MTERF4: variants seen among roughly 807,000 people sequenced by gnomAD.
The protein encoded by MTERF4 is mitochondrial transcription termination factor 4.
Under a neutral mutation model 22.5 loss-of-function variants are expected in MTERF4, and 17 were observed. The ratio of observed to expected loss-of-function variants is 0.75; its 90% CI spans 0.52 to 1.13. MTERF4 has a LOEUF of 1.13. Ranked by LOEUF, MTERF4 falls within the 50% of genes most tolerant of loss-of-function variation. The pLI is 0.00. For synonymous variants in MTERF4, 165 were observed against 175.3 expected (o/e 0.94, Z 0.47); for missense variants, 420 against 466.8 (o/e 0.90, Z 0.92).
the MTERF4 span, among the ~76,000 whole-genome samples, chr2:241,047,664 G>A: frequency 6.6e-6 from 1 of 152,260 alleles, no homozygotes; most frequent in Non-Finnish European, 1.5e-5. Context: ...TTCACTGATA[G>A]GGATGCCTGA....
At chr2:241,071,552 C>T, downstream of MTERF4, 1 of 1,570,532 alleles carries the variant, frequency 6.4e-7, no homozygotes, top group Non-Finnish European at 8.6e-7. Context: ...CCAGACCAGC[C>T]CCTTCCTCCT....
chr2:241,053,402 G>A, the MTERF4 span: 206 of 1,438,330 alleles, frequency 1.4e-4, 1 homozygote, highest in Admixed American at 2.0e-4. Context: ...AGGAGCACAG[G>A]GGCTGCAGGC....
In MTERF4 at chr2:241,102,248, C is replaced by G. The variant is rs1034142500; in HGVS notation, c.21+5G>C. 3.9e-6 allele frequency: 6 copies of G among 1,549,484 alleles called. No individual in the cohort carries two copies. The highest frequency in any genetic ancestry group is 5.2e-6 in the Non-Finnish European group (6 of 1,146,208). ...GAGAAGCCCGCGCGCCCAGCTCGAG[C>G]TTACCTGACGGCCGAACGCAGCCAT... On this transcript the variant is annotated splice_donor_5th_base_variant and intron_variant, in intron 1 of 3. Transcript: ENST00000391980.
Position 241,076,972 on chromosome 2 carries a change from C to A in MTERF4, n.480-1290G>T, listed in dbSNP as rs528090418. Among the ~76,000 whole-genome samples, 91 of 151,686 alleles carry A rather than the reference C, an allele frequency of 6.0e-4. 1 individual carries two copies. Among genetic ancestry groups the A allele is most frequent in the Admixed American group, 1.9e-3 (29 of 15,194 alleles). ...CGGGCGCCTGTGGTCCCAGCTACTC[C>A]GGAGGCTGAGGCAGGAGAATGGCGT... is the stretch of plus-strand genomic sequence containing the variant. On this transcript the variant is annotated intron_variant and non_coding_transcript_variant, in intron 4 of 4. Coordinates refer to the MTERF4 transcript ENST00000464344.
Position 241,099,504 on chromosome 2 carries a change from G to C in MTERF4, c.412C>G (p.Pro138Ala). 6.2e-7 allele frequency: 1 copy of C among 1,614,190 alleles called. No individual in the cohort carries two copies. Among genetic ancestry groups the C allele is most frequent in the Non-Finnish European group, 8.5e-7 (1 of 1,180,038 alleles). The change falls in exon 2 of 4, where the codon CCA becomes GCA. Residue 138 changes from proline (P) to alanine (A), a missense_variant. Physicochemically the swap from Pro to Ala is conservative, Grantham distance 27. Transcript: ENST00000391980. ...ISEFILLGLN[P>A]EPVCVVLKKS... The stretch of plus-strand genomic sequence containing the variant: ...TTCAAGACCACACACACAGGCTCTG[G>C]ATTCAGACCCAAGAGAATAAATTCT...
At chr2:241,069,888 C>T, downstream of MTERF4, 1 of 1,601,280 alleles carries the variant, frequency 6.2e-7, no homozygotes, top group East Asian at 2.2e-5. The surrounding 1 kb of genome is among the most constrained non-coding windows in gnomAD (Gnocchi z 4.9). Context: ...TGTGGGCACC[C>T]CCTCACCTCT....
chr2:241,052,682 AGGG>A, the MTERF4 span, among the ~76,000 whole-genome samples: 2 of 5,794 alleles, frequency 3.5e-4, no homozygotes, highest in African/African-American at 1.0e-3. Context: ...GGCAGGTGAG[AGGG>A]TCGGCGGGGG....
At chr2:241,069,677 G>A (rs944486961), downstream of MTERF4, among the ~76,000 whole-genome samples, 11 of 152,168 alleles carry the variant, frequency 7.2e-5, no homozygotes, top group Non-Finnish European at 1.5e-4. This position sits in a 1 kb window ranked among gnomAD's most constrained non-coding sequence, Gnocchi z 4.9. Context: ...AGGGCCTGGG[G>A]GCTTCACAGG....
Position 241,073,479 on chromosome 2 carries a change from C to CCCTCAGGTAGGCT in MTERF4, n.2682_2683insAGCCTACCTGAGG. The CCCTCAGGTAGGCT allele has an allele frequency of 4.6e-6, 4 of 866,822 alleles. No individual in the cohort carries two copies. The highest frequency in any genetic ancestry group is 7.6e-6 in the Non-Finnish European group (4 of 527,178). The allele number at this position is 866,822 out of a possible 1,614,324, so 53.7% of individuals were successfully genotyped here. A position where few individuals can be genotyped will look rare whatever the true frequency, so the allele number is the denominator to read the frequency against. ...GAGGAATCAGGAGGCACAGAGCCTA[C>CCCTCAGGTAGGCT]CTGAGGGGAGGCTGAGCACCAGGCA... On this transcript the variant is annotated non_coding_transcript_exon_variant, in exon 5 of 5. Transcript: ENST00000464344. This position sits in a 1 kb window ranked among gnomAD's most constrained non-coding sequence, Gnocchi z 6.6.
chr2:241,091,966 C>T (rs1352339161), downstream of MTERF4: 1 of 152,296 alleles, frequency 6.6e-6, no homozygotes, highest in African/African-American at 2.4e-5. The surrounding 1 kb of genome is among the most constrained non-coding windows in gnomAD (Gnocchi z 4.1). Context: ...TCCCCGGAAT[C>T]AGTGAGGCTG....
intron 2 of MTERF4, among the ~76,000 whole-genome samples, chr2:241,098,499 G>A (rs919654013): frequency 4.6e-5 from 7 of 152,262 alleles, no homozygotes; most frequent in African/African-American, 1.4e-4. Context: ...CCTCCAGAAG[G>A]CCCTTAAAGA....
chr2:241,050,177 T>G, the MTERF4 span: 1 of 565,084 alleles, frequency 1.8e-6, no homozygotes, highest in South Asian at 2.2e-5. Flanking sequence ...ATAGGCTTCA[T>G]TGCCTGCTCA....
At chr2:241,086,166 CCT>C (rs1395596982), downstream of MTERF4, among the ~76,000 whole-genome samples, 13 of 152,252 alleles carry the variant, frequency 8.5e-5, no homozygotes, top group South Asian at 2.3e-3. Flanking sequence ...CGCACCTGGC[CCT>C]GTCTGGGGTT....
downstream of MTERF4, chr2:241,088,432 C>G: frequency 6.3e-7 from 1 of 1,589,824 alleles, no homozygotes; most frequent in Non-Finnish European, 8.6e-7. Flanking sequence ...GCCCCACTAC[C>G]ACAGAGCTGC....
the MTERF4 span, among the ~76,000 whole-genome samples, chr2:241,049,532 G>T: frequency 6.6e-6 from 1 of 152,226 alleles, no homozygotes; most frequent in Non-Finnish European, 1.5e-5. Context: ...ATAATGATGT[G>T]ATGCTGGCAG....
intron 4 of MTERF4, among the ~76,000 whole-genome samples, chr2:241,079,093 G>T (rs1285244835): frequency 7.9e-6 from 1 of 126,384 alleles, no homozygotes; most frequent in East Asian, 2.5e-4. Context: ...CAGCCTGGGT[G>T]ACAGGGTAAG....
chr2:241,065,437 C>T, the MTERF4 span: 1 of 1,613,092 alleles, frequency 6.2e-7, no homozygotes, highest in Non-Finnish European at 8.5e-7. Flanking sequence ...TCCGACGGCT[C>T]CTACCGCCGC....
At chr2:241,090,238 A>T, downstream of MTERF4, 1 of 1,494,830 alleles carries the variant, frequency 6.7e-7, no homozygotes, top group African/African-American at 1.4e-5. Context: ...AACTTTTGTT[A>T]AAAACTAAGA....
rs2062989345 is a variant in MTERF4, at chr2:241,075,749, T to TA, written n.480-68dup. ...TGGTTAACAAGTTGGGAGCCTTCTT[T>TA]AAAAAATATCCTTCCCCACACCAAA... On this transcript the variant is annotated intron_variant and non_coding_transcript_variant, in intron 4 of 4. Coordinates refer to the MTERF4 transcript ENST00000464344. The surrounding 1 kb of genome is among the most constrained non-coding windows in gnomAD (Gnocchi z 4.8). 6.6e-6 allele frequency: 1 copy of TA among 152,198 alleles called. No homozygotes were observed. Among genetic ancestry groups the TA allele is most frequent in the Non-Finnish European group, 1.5e-5 (1 of 68,030 alleles). 9.4% of individuals were successfully genotyped at this position (152,198 alleles called of 1,614,324 possible).
Sources: allele counts gnomAD v4.1 joint callset (sites outside exome capture counted in the v4.1 genomes callset), GRCh38; gene constraint gnomAD v4.1.1; non-coding constraint Gnocchi (gnomAD v3.1); transcripts MANE v1.5; gene names NCBI Gene and HGNC (gene_info 2026-07-23, HGNC 2026-07-21).